Variants in DPP10 observed in about 807,000 individuals in gnomAD.
DPP10 encodes dipeptidyl peptidase like 10, also known as inactive dipeptidyl peptidase 10.
DPP10 carries 33 observed loss-of-function variants against 120.9 expected under a neutral mutation model. The observed-to-expected ratio is 0.27, with a 90% CI of 0.21 to 0.37. The LOEUF is 0.37. DPP10 is among the 10% of genes least tolerant of loss of function. The pLI is 1.00. For missense variants in DPP10, 816 were observed against 942.8 expected (o/e 0.87, Z 1.76); for synonymous variants, 337 against 326.1 (o/e 1.03, Z -0.36).
intron 1 of DPP10, among the ~76,000 whole-genome samples, chr2:115,096,256 T>G (rs2104589709): frequency 6.6e-6 from 1 of 152,250 alleles, no homozygotes; most frequent in African/African-American, 2.4e-5. Context: ...CATAGCTGTG[T>G]TTTGACAAAG....
rs1345024689 is a variant in DPP10 at position 114,465,819 on chromosome 2, A to G, written c.60+22981A>G. Reference sequence around the variant, plus strand: ...GAGTAATTAGCGTCTCCATCACTTCAAACATTTGCCATTTCTTTGAGTTGG... The same window carrying G: ...GAGTAATTAGCGTCTCCATCACTTCGAACATTTGCCATTTCTTTGAGTTGG... On this transcript the variant is annotated intron_variant, in intron 1 of 25. Transcript: ENST00000410059. Among the ~76,000 whole-genome samples the G allele has an allele frequency of 5.3e-5, 8 of 152,204 alleles. No individual in the cohort carries two copies. In the East Asian group the frequency reaches 1.5e-3, roughly 29 times the overall value.
chr2:115,206,282 C>T (rs530585929), intron 1 of DPP10, among the ~76,000 whole-genome samples: 26 of 152,150 alleles, frequency 1.7e-4, no homozygotes, highest in African/African-American at 6.0e-4. Context: ...GTACCATACG[C>T]CTCCAGAAAC....
At chr2:115,551,853 A>G (rs762870500) in intron 5 of DPP10, among the ~76,000 whole-genome samples, 1 of 152,158 alleles carries the variant, frequency 6.6e-6, no homozygotes, top group Non-Finnish European at 1.5e-5. Context: ...CTACAAGTAC[A>G]AGAAAACTCA....
At chr2:115,341,177 C>T (rs968481984) in intron 2 of DPP10, among the ~76,000 whole-genome samples, 38 of 152,136 alleles carry the variant, frequency 2.5e-4, no homozygotes, top group African/African-American at 8.2e-4. Flanking sequence ...ATCCTTTTAT[C>T]GCAAATGTTC....
chr2:115,430,522 A>G (rs1305365232), intron 3 of DPP10, among the ~76,000 whole-genome samples: 1 of 152,166 alleles, frequency 6.6e-6, no homozygotes, highest in Non-Finnish European at 1.5e-5. Context: ...TTGTCCGTCA[A>G]AGTATTCAAG....
In DPP10 at chr2:114,464,412, CA is replaced by C. The variant is rs142651655; in HGVS notation, c.60+21575del. On this transcript the variant is annotated intron_variant, in intron 1 of 25. Transcript: ENST00000410059. ...TATCTTCTTTGGTGGGGAGTCTGTT[CA>C]GTTATTTTGCCCATTTTTAACTGGG... Among the ~76,000 whole-genome samples, 1,376 of 152,076 alleles carry C rather than the reference CA, an allele frequency of 9.0e-3. 15 individuals carry two copies. The highest frequency in any genetic ancestry group is 0.031 in the African/African-American group (1,295 of 41,476).
At chr2:115,570,845 G>A (rs1365141065) in intron 5 of DPP10, among the ~76,000 whole-genome samples, 1 of 152,134 alleles carries the variant, frequency 6.6e-6, no homozygotes, top group East Asian at 1.9e-4. Context: ...TAATAACACA[G>A]AATTGTTATT....
intron 19 of DPP10, among the ~76,000 whole-genome samples, chr2:115,808,881 G>T (rs114804198): frequency 0.018 from 2,779 of 152,254 alleles, 88 homozygotes; most frequent in African/African-American, 0.061. Flanking sequence ...CCGCCAGAAA[G>T]AAAAATCTTA....
At chr2:115,233,837 A>G in intron 1 of DPP10, 1 of 463,360 alleles carries the variant, frequency 2.2e-6, no homozygotes, top group Non-Finnish European at 4.3e-6. Flanking sequence ...CAAATGTGGG[A>G]TGCAGGCTTT....
chr2:114,966,809 T>C (rs973157668), intron 1 of DPP10, among the ~76,000 whole-genome samples: 1 of 152,002 alleles, frequency 6.6e-6, no homozygotes, highest in Admixed American at 6.6e-5. Flanking sequence ...TGGGAGGCCA[T>C]GGCAGGTGGG....
intron 7 of DPP10, among the ~76,000 whole-genome samples, chr2:115,724,766 A>T (rs968484193): frequency 3.9e-5 from 6 of 152,232 alleles, no homozygotes; most frequent in African/African-American, 1.4e-4. Context: ...AAGGTTCTGC[A>T]GGTTGTGCAA....
intron 4 of DPP10, among the ~76,000 whole-genome samples, chr2:115,515,794 G>T (rs1230751339): frequency 6.6e-6 from 1 of 151,922 alleles, no homozygotes; most frequent in Admixed American, 6.6e-5. Context: ...ATAAACACCT[G>T]TTTAATAAAA....
intron 21 of DPP10, among the ~76,000 whole-genome samples, chr2:115,833,519 G>C (rs1394005451): frequency 2.0e-5 from 3 of 152,110 alleles, no homozygotes; most frequent in Non-Finnish European, 4.4e-5. Flanking sequence ...TTTGCTTTAT[G>C]ATACAGGTTC....
chr2:115,381,198 C>T (rs1256810020), intron 3 of DPP10, among the ~76,000 whole-genome samples: 4 of 152,172 alleles, frequency 2.6e-5, no homozygotes, highest in African/African-American at 4.8e-5. Flanking sequence ...ACCAATCAGT[C>T]GTAGATTTGG....
At chr2:115,464,107 C>T (rs2074159835) in intron 3 of DPP10, among the ~76,000 whole-genome samples, 1 of 152,122 alleles carries the variant, frequency 6.6e-6, no homozygotes. Context: ...ACCTCCAGGC[C>T]ACTTTGCCGG....
chr2:115,263,460 T>C (rs895365710), intron 1 of DPP10, among the ~76,000 whole-genome samples: 2 of 152,240 alleles, frequency 1.3e-5, no homozygotes, highest in Non-Finnish European at 2.9e-5. Flanking sequence ...TATTTAGCCA[T>C]GATATCTATG....
chr2:115,580,539 C>G (rs1291771004), intron 5 of DPP10, among the ~76,000 whole-genome samples: 12 of 152,144 alleles, frequency 7.9e-5, no homozygotes, highest in Non-Finnish European at 2.9e-5. Context: ...TCTTCCTCTT[C>G]ACATGTGCTC....
At chr2:115,618,183 A>T in intron 5 of DPP10, among the ~76,000 whole-genome samples, 1 of 152,234 alleles carries the variant, frequency 6.6e-6, no homozygotes, top group East Asian at 1.9e-4. Context: ...TGAGAAAACA[A>T]ATCTGTAAAG....
chr2:115,246,488 A>C (rs1334959585), intron 1 of DPP10, among the ~76,000 whole-genome samples: 1 of 152,150 alleles, frequency 6.6e-6, no homozygotes, highest in Non-Finnish European at 1.5e-5. Context: ...AGAACACTGT[A>C]AACTGAATGA....
Sources: gnomAD v4.1 joint callset for allele counts (sites outside exome capture counted in the v4.1 genomes callset) on GRCh38, gnomAD v4.1.1 for gene constraint, MANE v1.5 for transcripts, NCBI Gene and HGNC (gene_info 2026-07-23, HGNC 2026-07-21) for gene names.